The following DZIP1L variants were observed in gnomAD, a reference collection of about 807,000 sequenced individuals.
The protein encoded by DZIP1L is DAZ interacting zinc finger protein 1 like.
In DZIP1L, 90 loss-of-function variants were observed where a neutral mutation model predicts 88.7. That is an observed-to-expected ratio of 1.02 (90% CI 0.86 to 1.21). The LOEUF (loss-of-function observed/expected upper bound fraction) is 1.21. Ranked by LOEUF, DZIP1L falls within the 50% of genes most tolerant of loss-of-function variation. The pLI, the probability that DZIP1L is intolerant of heterozygous loss-of-function variation, is 0.00. For missense variants in DZIP1L, 932 were observed against 955.8 expected (o/e 0.98, Z 0.33); for synonymous variants, 363 against 372.1 (o/e 0.98, Z 0.28).
At chr3:138,104,668 A>T (rs1359351953) in intron 1 of DZIP1L, among the ~76,000 whole-genome samples, 4 of 152,222 alleles carry the variant, frequency 2.6e-5, no homozygotes, top group African/African-American at 9.6e-5. Context: ...CTCTCCTGGA[A>T]TGTGAGTGAA....
rs1943171830 is a variant in DZIP1L at position 138,071,397 on chromosome 3, A to AGCTCCG, written c.1615+240_1615+245dup. On this transcript the variant is annotated intron_variant, in intron 12 of 15. Transcript: ENST00000327532. ...ACAGTTCAGGCTGACAACAGGCTCCAGCTCCGGCTCTCCTCCAACTTCCCC... is the reference window on the plus strand; with the variant it reads ...ACAGTTCAGGCTGACAACAGGCTCCAGCTCCGGCTCCGGCTCTCCTCCAACTTCCCC... 1.3e-5 allele frequency among the ~76,000 whole-genome samples: 2 copies of AGCTCCG among 152,200 alleles called. 1 individual carries two copies. The highest frequency in any genetic ancestry group is 4.1e-4 in the South Asian group (2 of 4,828).
At position 138,063,143 on chromosome 3, in the gene DZIP1L, T is replaced by G. The variant is rs1173029769; in HGVS notation, c.2143-166A>C. 1.3e-5 allele frequency among the ~76,000 whole-genome samples: 2 copies of G among 152,210 alleles called. No homozygotes were observed. The highest frequency in any genetic ancestry group is 4.8e-5 in the African/African-American group (2 of 41,462). On this transcript the variant is annotated intron_variant, in intron 15 of 15. Coordinates refer to ENST00000327532, the MANE Select transcript of DZIP1L (RefSeq NM_173543.3). The surrounding 1 kb of genome is among the most constrained non-coding windows in gnomAD (Gnocchi z 4.1). ...CTCCTCCTGACTTCTCAAGTCTTCC[T>G]GCCTTTGAGAACCTGCTTTAGTGAC...
intron 5 of DZIP1L, chr3:138,088,870 G>T: frequency 1.0e-6 from 1 of 990,306 alleles, no homozygotes; most frequent in Non-Finnish European, 1.2e-6. Context: ...CTATGGGAGG[G>T]TCTCACCCCA....
rs145825367 is a variant in DZIP1L at position 138,068,165 on chromosome 3, C to A, written c.1818G>T (p.Ser606=). The part of the protein sequence containing the change: ...LHGPSSTPPS[S]GPGMSTPPFS... Reference sequence around the variant, plus strand: ...CTGGGGCTCACCTCATCCCGGGCCCCGAGGAAGGAGGGGTGCTGGAGGGTC... The same window carrying A: ...CTGGGGCTCACCTCATCCCGGGCCCAGAGGAAGGAGGGGTGCTGGAGGGTC... The change falls in exon 13 of 16, where the codon TCG becomes TCT. Residue 606 remains serine, a synonymous_variant. Transcript: ENST00000327532. 9.3e-6 allele frequency: 14 copies of A among 1,510,020 alleles called. No homozygotes were observed. The highest frequency in any genetic ancestry group is 1.2e-5 in the Non-Finnish European group (14 of 1,125,760). The allele number at this position is 1,510,020 out of a possible 1,614,324, so 93.5% of individuals were successfully genotyped here.
chr3:138,064,001 T>C (rs1942786877), intron 15 of DZIP1L, among the ~76,000 whole-genome samples: 1 of 152,064 alleles, frequency 6.6e-6, no homozygotes, highest in Non-Finnish European at 1.5e-5. Context: ...ATAACAGCAG[T>C]GTGCAAGTTG....
intron 1 of DZIP1L, among the ~76,000 whole-genome samples, chr3:138,113,775 C>A (rs6439786): frequency 6.6e-6 from 1 of 152,134 alleles, no homozygotes; most frequent in South Asian, 2.1e-4. Flanking sequence ...CTTCAAGCAG[C>A]GAGACAAAGG....
At chr3:138,065,859 T>C (rs570892110) in intron 14 of DZIP1L, among the ~76,000 whole-genome samples, 3 of 152,346 alleles carry the variant, frequency 2.0e-5, no homozygotes, top group South Asian at 2.1e-4. Flanking sequence ...GGCAGTTTTA[T>C]AGGAAAATCT....
intron 9 of DZIP1L, 25 bp downstream of exon 9, chr3:138,081,709 C>T: frequency 1.2e-6 from 2 of 1,607,698 alleles, no homozygotes; most frequent in South Asian, 1.1e-5. Flanking sequence ...AAGACTGCTA[C>T]ACACTGCCCT....
intron 2 of DZIP1L, among the ~76,000 whole-genome samples, chr3:138,098,246 C>A (rs879819876): frequency 6.6e-6 from 1 of 152,092 alleles, no homozygotes; most frequent in Non-Finnish European, 1.5e-5. Flanking sequence ...GGAAAGTGGG[C>A]AGGGGAAGAG....
At position 138,077,623 on chromosome 3, in the gene DZIP1L, TC is replaced by T. The variant is rs757377985; in HGVS notation, c.1297del (p.Asp433ThrfsTer13). ...EEDSPEEEME[D>X]SQDEQHKVLA... ...CACCTTGTGCTGTTCATCCTGGGAG[TC>T]CTCCATCTCTGTAGCATGAGACATT... On this transcript the variant is annotated frameshift_variant, in exon 11 of 16. Coordinates refer to ENST00000327532, the MANE Select transcript of DZIP1L (RefSeq NM_173543.3). LOFTEE classifies it high-confidence loss of function. 5.6e-6 allele frequency: 9 copies of T among 1,613,706 alleles called. No individual in the cohort carries two copies. Among genetic ancestry groups the T allele is most frequent in the Non-Finnish European group, 7.6e-6 (9 of 1,179,954 alleles).
At chr3:138,086,886 G>A (rs1943964466) in intron 7 of DZIP1L, 75 bp downstream of exon 7, 5 of 1,465,640 alleles carry the variant, frequency 3.4e-6, no homozygotes, top group South Asian at 1.2e-5. Flanking sequence ...GTGGGTGAGG[G>A]GGCGTGGAGA....
In DZIP1L at chr3:138,094,845, T is replaced by C. The variant is rs1460361921; in HGVS notation, c.708+17A>G. 6.2e-7 allele frequency: 1 copy of C among 1,614,032 alleles called. No individual in the cohort carries two copies. The highest frequency in any genetic ancestry group is 8.5e-7 in the Non-Finnish European group (1 of 1,179,946). ...TCCATGACCCAAGTCTCCCTGATGTTTTCTCTCCCTGCCCACCTGGAGCTG... is the reference window on the plus strand; with the variant it reads ...TCCATGACCCAAGTCTCCCTGATGTCTTCTCTCCCTGCCCACCTGGAGCTG... On this transcript the variant is annotated intron_variant, in intron 4 of 15. Transcript: ENST00000327532.
chr3:138,062,656 G>T lies in DZIP1L; in HGVS notation c.*160C>A. On this transcript the variant is annotated 3_prime_UTR_variant, in exon 16 of 16. Transcript: ENST00000327532. Reference sequence around the variant, plus strand: ...TACAGCAGGGCCCCTCACAGGTCAGGAGGGATGAGATCATATCCATTCCCT... The same window carrying T: ...TACAGCAGGGCCCCTCACAGGTCAGTAGGGATGAGATCATATCCATTCCCT... 1 of 843,070 alleles carries T rather than the reference G, an allele frequency of 1.2e-6. No homozygotes were observed. Among genetic ancestry groups the T allele is most frequent in the Admixed American group, 2.7e-5 (1 of 37,276 alleles). The allele number at this position is 843,070 out of a possible 1,614,324, so 52.2% of individuals were successfully genotyped here. A position where few individuals can be genotyped will look rare whatever the true frequency, so the allele number is the denominator to read the frequency against.
At chr3:138,099,297 A>AT (rs1254555920) in intron 2 of DZIP1L, among the ~76,000 whole-genome samples, 3 of 152,008 alleles carry the variant, frequency 2.0e-5, no homozygotes, top group African/African-American at 7.3e-5. Context: ...ACATTATGAG[A>AT]TTTTTTTAGG....
At chr3:138,067,786 T>A in intron 13 of DZIP1L, 86 bp from the exon 14 acceptor site, 1 of 1,435,416 alleles carries the variant, frequency 7.0e-7, no homozygotes, top group Non-Finnish European at 9.2e-7. Context: ...TCAAGCTGGT[T>A]TGGTTTGCTC....
intron 10 of DZIP1L, 81 bp from the exon 11 acceptor site, chr3:138,077,713 C>T: frequency 6.4e-7 from 1 of 1,564,622 alleles, no homozygotes; most frequent in Non-Finnish European, 8.7e-7. Context: ...CTGCCGAGCC[C>T]TCACACTGCC....
At chr3:138,075,844 A>G (rs1222833018) in intron 11 of DZIP1L, among the ~76,000 whole-genome samples, 2 of 152,170 alleles carry the variant, frequency 1.3e-5, no homozygotes, top group East Asian at 3.9e-4. Context: ...CTGTAATCCC[A>G]GCTACTCAGG....
intron 1 of DZIP1L, chr3:138,112,408 C>CA (rs1259472413): frequency 6.6e-6 from 1 of 152,170 alleles, no homozygotes; most frequent in African/African-American, 2.4e-5. Context: ...GAGTTTACAG[C>CA]AAATCACCAC....
At chr3:138,089,282 GA>G in intron 5 of DZIP1L, 1 of 985,402 alleles carries the variant, frequency 1.0e-6, no homozygotes, top group Non-Finnish European at 1.2e-6. Flanking sequence ...AATATTTTCA[GA>G]GTCAAATGCT....
Sources: gnomAD v4.1 joint callset for allele counts (sites outside exome capture counted in the v4.1 genomes callset) on GRCh38, gnomAD v4.1.1 for gene constraint, Gnocchi (gnomAD v3.1) non-coding constraint, MANE v1.5 for transcripts, NCBI Gene and HGNC (gene_info 2026-07-23, HGNC 2026-07-21) for gene names.